Variants in LGALS4 observed in about 807,000 individuals in gnomAD.
LGALS4 encodes galectin-4.
In LGALS4, 37 loss-of-function variants were observed where a neutral mutation model predicts 39.6. That is an observed-to-expected ratio of 0.93 (90% CI 0.72 to 1.23). The LOEUF is 1.23. Ranked by LOEUF, LGALS4 falls within the 50% of genes most tolerant of loss-of-function variation. LGALS4 has a pLI of 0.00. For synonymous variants in LGALS4, 160 were observed against 165.5 expected, an observed-to-expected ratio of 0.97 and a Z score of 0.25; for missense variants, 397 against 433.2, an observed-to-expected ratio of 0.92 and a Z score of 0.74.
rs775884503 is a variant in LGALS4, at chr19:38,801,957, C to A, written c.825+35G>T. The A allele has an allele frequency of 3.7e-6, 6 of 1,613,890 alleles. No homozygotes were observed. The African/African-American group carries it at 6.7e-5, about 18-fold the overall frequency. On this transcript the variant is annotated intron_variant, in intron 9 of 9. Coordinates refer to ENST00000307751, the MANE Select transcript of LGALS4 (RefSeq NM_006149.4). Reference sequence around the variant, plus strand: ...TGAGGCCAGGGCCAGGACTGAGGCCCTGGAAGGAAGTGGGAAAAGAGAGCT... The same window carrying A: ...TGAGGCCAGGGCCAGGACTGAGGCCATGGAAGGAAGTGGGAAAAGAGAGCT...
In LGALS4 at chr19:38,806,590, C is replaced by T. The variant is rs1971425128; in HGVS notation, c.345G>A (p.Val115=). 1.2e-6 allele frequency: 2 copies of T among 1,613,678 alleles called. No homozygotes were observed. The highest frequency in any genetic ancestry group is 1.7e-6 in the Non-Finnish European group (2 of 1,179,868). The change falls in exon 4 of 10, where the codon GTG becomes GTA. Residue 115 remains valine, a synonymous_variant. Transcript: ENST00000307751. Reference sequence around the variant, plus strand: ...ACTCATAGAAGGGATTTCCATTTACCACCACCTGGAGGGCAGAGATGGGAG... The same window carrying T: ...ACTCATAGAAGGGATTTCCATTTACTACCACCTGGAGGGCAGAGATGGGAG... ...FIVLAEHYKV[V]VNGNPFYEYG... is the part of the protein sequence containing the mutation.
intron 8 of LGALS4, 65 bp downstream of exon 8, chr19:38,802,251 A>G (rs1400514631): frequency 7.1e-5 from 112 of 1,568,312 alleles, no homozygotes; most frequent in Non-Finnish European, 9.3e-5. Flanking sequence ...GAGGGGACAG[A>G]GGGTCTAGAT....
chr19:38,809,955 C>T (rs1004380823), intron 2 of LGALS4, among the ~76,000 whole-genome samples: 2 of 152,146 alleles, frequency 1.3e-5, no homozygotes, highest in African/African-American at 4.8e-5. Context: ...TCCCTGTGTA[C>T]ACCCATGACG....
rs768232751 is a variant in LGALS4, at chr19:38,808,829, C to G, written c.254G>C (p.Gly85Ala). The G allele has an allele frequency of 6.2e-7, 1 of 1,614,160 alleles. No homozygotes were observed. Among genetic ancestry groups the G allele is most frequent in the East Asian group, 2.2e-5 (1 of 44,876 alleles). Residue 85 changes from glycine (G) to alanine (A), a missense_variant, in exon 3 of 10, where the codon GGC becomes GCC. Coordinates refer to ENST00000307751, the MANE Select transcript of LGALS4 (RefSeq NM_006149.4). The part of the protein sequence containing the change: ...VFNTLQGGKW[G>A]SEERKRSMPF... ...CATGCTCCTCTTCCTCTCCTCGCTG[C>G]CCCACTTCCCGCCCTGCAACGTGTT...
Position 38,802,075 on chromosome 19 carries a change from G to T in LGALS4, c.742C>A (p.Arg248=), listed in dbSNP as rs773482004. 1.9e-6 allele frequency: 3 copies of T among 1,614,184 alleles called. No individual in the cohort carries two copies. Among genetic ancestry groups the T allele is most frequent in the Non-Finnish European group, 2.5e-6 (3 of 1,180,028 alleles). The part of the protein sequence containing the change: ...NPRMGNGTVV[R]NSLLNGSWGS... Reference sequence around the variant, plus strand: ...CACGAGCCATTCAGAAGGCTGTTCCGGACCACGGTACCGTTGCCCATGCGG... The same window carrying T: ...CACGAGCCATTCAGAAGGCTGTTCCTGACCACGGTACCGTTGCCCATGCGG... The change falls in exon 9 of 10, where the codon CGG becomes AGG. Residue 248 remains arginine (R), a synonymous_variant. Transcript: ENST00000307751.
At chr19:38,806,984 T>A (rs7250734) in intron 3 of LGALS4, among the ~76,000 whole-genome samples, 1 of 150,424 alleles carries the variant, frequency 6.6e-6, no homozygotes, top group African/African-American at 2.5e-5. Context: ...ATCTTTTTCA[T>A]TGGGAGTCGA....
intron 3 of LGALS4, among the ~76,000 whole-genome samples, chr19:38,806,960 A>G (rs1971429454): frequency 6.9e-6 from 1 of 145,220 alleles, no homozygotes; most frequent in South Asian, 2.2e-4. Flanking sequence ...AAAAAAAAAA[A>G]GCAAGGATCA....
At position 38,802,235 on chromosome 19, in the gene LGALS4, AAGG is replaced by A. The variant is rs1165866138; in HGVS notation, c.659+78_660-79del. The A allele has an allele frequency of 2.0e-4, 326 of 1,594,272 alleles. 4 individuals are homozygous for A. The East Asian group carries it at 7.2e-3, about 35-fold the overall frequency. On this transcript the variant is annotated intron_variant, in intron 8 of 9. Coordinates refer to ENST00000307751, the MANE Select transcript of LGALS4 (RefSeq NM_006149.4). ...AGTGGGCTGGACCTCTGAATCCCTA[AAGG>A]AGGAGGGGACAGAGGGTCTAGATTG...
At chr19:38,812,395 C>T (rs1388457389) in intron 2 of LGALS4, 36 bp downstream of exon 2, 2 of 1,594,400 alleles carry the variant, frequency 1.3e-6, no homozygotes, top group Non-Finnish European at 1.7e-6. Flanking sequence ...GTTGGAAGTC[C>T]CCTGCCAGCC....
intron 3 of LGALS4, among the ~76,000 whole-genome samples, chr19:38,808,085 C>G (rs768404673): frequency 1.2e-3 from 189 of 151,638 alleles, no homozygotes; most frequent in Non-Finnish European, 2.0e-3. Flanking sequence ...GCCACATCCC[C>G]CTCTCTGAGA....
At chr19:38,803,834 G>T (rs200363275) in intron 5 of LGALS4, 35 bp downstream of exon 5, 21 of 1,613,024 alleles carry the variant, frequency 1.3e-5, no homozygotes, top group Non-Finnish European at 1.6e-5. Context: ...GACCCCACTA[G>T]GGAGGAAGAC....
intron 2 of LGALS4, among the ~76,000 whole-genome samples, chr19:38,811,393 G>A (rs1297997011): frequency 2.0e-5 from 3 of 152,092 alleles, no homozygotes; most frequent in African/African-American, 7.2e-5. Flanking sequence ...AGCACTTTAG[G>A]AGGCCGAGGC....
At chr19:38,803,677 TC>T (rs1971388315) in intron 6 of LGALS4, 64 bp downstream of exon 6, 1 of 1,598,710 alleles carries the variant, frequency 6.3e-7, no homozygotes. Context: ...CCCTCTTAGC[TC>T]CCCCTACCCC....
chr19:38,811,426 A>G (rs1201581622), intron 2 of LGALS4, among the ~76,000 whole-genome samples: 1 of 152,062 alleles, frequency 6.6e-6, no homozygotes, highest in East Asian at 1.9e-4. Context: ...TGAGCACAGG[A>G]GTTCAAGACC....
At chr19:38,812,397 C>T (rs372105227) in intron 2 of LGALS4, 34 bp downstream of exon 2, 7 of 1,596,412 alleles carry the variant, frequency 4.4e-6, no homozygotes, top group Non-Finnish European at 6.0e-6. Flanking sequence ...TGGAAGTCCC[C>T]TGCCAGCCCG....
intron 3 of LGALS4, among the ~76,000 whole-genome samples, chr19:38,806,897 A>G (rs1308379181): frequency 6.6e-6 from 1 of 151,658 alleles, no homozygotes; most frequent in Non-Finnish European, 1.5e-5. Flanking sequence ...CAGTGAGTGG[A>G]GATCACGCTG....
At chr19:38,803,704 C>T in intron 6 of LGALS4, 38 bp downstream of exon 6, 3 of 1,608,650 alleles carry the variant, frequency 1.9e-6, no homozygotes, top group Non-Finnish European at 2.5e-6. Flanking sequence ...TCACCATTCC[C>T]ACTCCTCACC....
At chr19:38,806,390 A>G (rs1369222472) in intron 4 of LGALS4, 71 bp downstream of exon 4, 1 of 1,531,352 alleles carries the variant, frequency 6.5e-7, no homozygotes, top group Non-Finnish European at 8.8e-7. Context: ...AAAAAAGAAA[A>G]AAAGAAAAAA....
chr19:38,804,808 G>A (rs531235088), intron 4 of LGALS4, among the ~76,000 whole-genome samples: 1 of 151,774 alleles, frequency 6.6e-6, no homozygotes, highest in South Asian at 2.1e-4. Context: ...GGGCCACAGA[G>A]CAAGACTCCA....
Sources: gnomAD v4.1 joint callset for allele counts (sites outside exome capture counted in the v4.1 genomes callset) on GRCh38, gnomAD v4.1.1 for gene constraint, MANE v1.5 for transcripts, NCBI Gene and HGNC (gene_info 2026-07-23, HGNC 2026-07-21) for gene names.